MAPRE2: variants seen among roughly 807,000 people sequenced by gnomAD.
MAPRE2 encodes microtubule-associated protein RP/EB family member 2.
In MAPRE2, 13 loss-of-function variants were observed where a neutral mutation model predicts 43.2. That is an observed-to-expected ratio of 0.30 (90% CI 0.20 to 0.48). The LOEUF (loss-of-function observed/expected upper bound fraction) is 0.48, where lower values mean the gene tolerates loss of function less well. MAPRE2 is among the 20% of genes least tolerant of loss of function. The pLI is 0.99. For synonymous variants in MAPRE2, 135 were observed against 148.8 expected (o/e 0.91, Z 0.68); for missense variants, 161 against 400.2 (o/e 0.40, Z 5.10).
intron 2 of MAPRE2, among the ~76,000 whole-genome samples, chr18:35,091,757 C>T (rs985760482): frequency 2.6e-5 from 4 of 152,098 alleles, no homozygotes; most frequent in African/African-American, 7.2e-5. Context: ...TGAGGCATCA[C>T]ATCGCCTGAC....
intron 1 of MAPRE2, chr18:34,988,626 T>G (rs533013627): frequency 6.6e-6 from 1 of 151,810 alleles, no homozygotes; most frequent in South Asian, 2.1e-4. Context: ...TGTGGTTTCC[T>G]GCAACATGCC....
intron 4 of MAPRE2, among the ~76,000 whole-genome samples, chr18:35,113,299 G>A (rs1026936113): frequency 1.4e-4 from 21 of 152,166 alleles, no homozygotes; most frequent in Admixed American, 3.3e-4. Flanking sequence ...TCCTGGCAGC[G>A]TCTGTAGAAA....
At chr18:35,105,689 G>A (rs1260913933) in intron 4 of MAPRE2, among the ~76,000 whole-genome samples, 1 of 151,920 alleles carries the variant, frequency 6.6e-6, no homozygotes, top group African/African-American at 2.4e-5. Context: ...TAAAGATGGG[G>A]ATGTGGTTTC....
chr18:34,984,969 TAA>T (rs1186970682), intron 1 of MAPRE2, among the ~76,000 whole-genome samples: 6 of 74,978 alleles, frequency 8.0e-5, no homozygotes, highest in Non-Finnish European at 1.2e-4. Flanking sequence ...ATAAAATATA[TAA>T]TATATAAAAT....
At chr18:35,012,200 A>G (rs1475598586) in intron 2 of MAPRE2, among the ~76,000 whole-genome samples, 1 of 152,184 alleles carries the variant, frequency 6.6e-6, no homozygotes, top group Non-Finnish European at 1.5e-5. Context: ...TGTTGTGCTT[A>G]GGGTGCCTGT....
intron 1 of MAPRE2, among the ~76,000 whole-genome samples, chr18:35,064,614 T>C (rs2150618253): frequency 6.6e-6 from 1 of 152,312 alleles, no homozygotes; most frequent in East Asian, 1.9e-4. Context: ...TTGAGTATTT[T>C]GTAGTTAAGC....
At position 35,072,346 on chromosome 18, in the gene MAPRE2, G is replaced by A. The variant is rs116823122; in HGVS notation, c.250+2024G>A. Among the ~76,000 whole-genome samples, 892 of 152,212 alleles carry A rather than the reference G, an allele frequency of 5.9e-3. 4 individuals carry two copies. The highest frequency in any genetic ancestry group is 0.02 in the African/African-American group (822 of 41,516). ...GAACTGCAATTTGCAACTGCTAAGG[G>A]GCAAAGACAAAAATGTGTATCTTAC... On this transcript the variant is annotated intron_variant, in intron 2 of 6. Coordinates refer to ENST00000300249, the MANE Select transcript of MAPRE2 (RefSeq NM_014268.4).
chr18:35,124,900 G>A (rs916206949), intron 4 of MAPRE2, among the ~76,000 whole-genome samples: 30 of 152,234 alleles, frequency 2.0e-4, no homozygotes, highest in Non-Finnish European at 1.0e-4. Context: ...GGACATGGAA[G>A]TAGTGTTCCA....
At chr18:35,025,287 T>G (rs1258209606) in intron 2 of MAPRE2, among the ~76,000 whole-genome samples, 1 of 152,234 alleles carries the variant, frequency 6.6e-6, no homozygotes, top group African/African-American at 2.4e-5. Context: ...GTTCAGCCTG[T>G]TGTGTCCAAA....
chr18:35,064,211 T>G (rs1867543668), intron 1 of MAPRE2, among the ~76,000 whole-genome samples: 1 of 147,250 alleles, frequency 6.8e-6, no homozygotes, highest in Non-Finnish European at 1.5e-5. Context: ...AAAAAAAAAA[T>G]CAAAATAGGT....
chr18:35,026,055 T>C (rs866160587), intron 2 of MAPRE2, among the ~76,000 whole-genome samples: 12 of 152,088 alleles, frequency 7.9e-5, no homozygotes, highest in African/African-American at 1.7e-4. Context: ...GGAGGGAAGA[T>C]AGAGCTGGTG....
intron 6 of MAPRE2, among the ~76,000 whole-genome samples, chr18:35,138,429 C>A (rs982214395): frequency 2.6e-5 from 4 of 152,162 alleles, no homozygotes; most frequent in Non-Finnish European, 5.9e-5. Context: ...AGGGGCCTGT[C>A]GGCACGGTAA....
intron 4 of MAPRE2, among the ~76,000 whole-genome samples, chr18:35,120,976 G>A (rs75721871): frequency 0.012 from 1,764 of 152,228 alleles, 41 homozygotes; most frequent in African/African-American, 0.04. Flanking sequence ...AGTGGTGGCC[G>A]CCTGCATGTG....
At chr18:35,135,445 C>T (rs1910342173) in intron 6 of MAPRE2, among the ~76,000 whole-genome samples, 1 of 152,138 alleles carries the variant, frequency 6.6e-6, no homozygotes, top group African/African-American at 2.4e-5. Flanking sequence ...ATCTTAAAGC[C>T]TCCAAGCATT....
chr18:35,086,957 A>G (rs1032126876), intron 2 of MAPRE2, among the ~76,000 whole-genome samples: 3 of 152,156 alleles, frequency 2.0e-5, no homozygotes, highest in African/African-American at 7.2e-5. Context: ...TTTATCTGAA[A>G]ATTTCCACTT....
intron 2 of MAPRE2, among the ~76,000 whole-genome samples, chr18:35,017,156 G>A (rs1312746970): frequency 1.3e-5 from 2 of 150,540 alleles, no homozygotes; most frequent in African/African-American, 4.9e-5. Context: ...TAGCCTGTGT[G>A]TCTGTTTTTG....
At chr18:35,004,329 C>T (rs891600270) in intron 1 of MAPRE2, among the ~76,000 whole-genome samples, 1 of 152,182 alleles carries the variant, frequency 6.6e-6, no homozygotes, top group Non-Finnish European at 1.5e-5. Context: ...AACACCAAGT[C>T]ATTTCTGAAA....
intron 1 of MAPRE2, among the ~76,000 whole-genome samples, chr18:35,049,406 CTT>C (rs2150604078): frequency 6.6e-6 from 1 of 152,316 alleles, no homozygotes; most frequent in African/African-American, 2.4e-5. Context: ...AATCCCCACT[CTT>C]GGGTTTTACA....
At chr18:35,031,224 A>G (rs1383420863) in intron 2 of MAPRE2, among the ~76,000 whole-genome samples, 4 of 152,242 alleles carry the variant, frequency 2.6e-5, no homozygotes, top group African/African-American at 9.6e-5. Flanking sequence ...AAATTTCTGC[A>G]TCTCTGATGT....
Sources: gnomAD v4.1 joint callset for allele counts (sites outside exome capture counted in the v4.1 genomes callset) on GRCh38, gnomAD v4.1.1 for gene constraint, MANE v1.5 for transcripts, NCBI Gene and HGNC (gene_info 2026-07-23, HGNC 2026-07-21) for gene names.